Variants in LCP2 observed in about 807,000 individuals in gnomAD.
LCP2 encodes the protein lymphocyte cytosolic protein 2.
LCP2 carries 29 observed loss-of-function variants against 74.5 expected under a neutral mutation model. That is an observed-to-expected ratio of 0.39 (90% CI 0.29 to 0.53). LCP2 has a LOEUF of 0.53. Among genes scored for constraint, LCP2 ranks in the 20% least tolerant of loss-of-function variants. The pLI is 0.72. For synonymous variants in LCP2, 228 were observed against 229.5 expected (o/e 0.99, Z 0.06); for missense variants, 604 against 634.6 (o/e 0.95, Z 0.52).
intron 3 of LCP2, 116 bp downstream of exon 3, chr5:170,287,854 A>T: frequency 1.1e-6 from 1 of 933,840 alleles, no homozygotes; most frequent in Non-Finnish European, 1.7e-6. Context: ...CATCCTTCCT[A>T]CTTGCTTTCT....
At chr5:170,264,703 G>T (rs181091373) in intron 10 of LCP2, among the ~76,000 whole-genome samples, 15 of 152,236 alleles carry the variant, frequency 9.9e-5, no homozygotes, top group Admixed American at 5.2e-4. Flanking sequence ...GGAGGCTGGA[G>T]AAGAAGGATT....
intron 16 of LCP2, among the ~76,000 whole-genome samples, chr5:170,257,366 T>C (rs1761572337): frequency 6.6e-6 from 1 of 152,046 alleles, no homozygotes; most frequent in Admixed American, 6.5e-5. Flanking sequence ...TGCTAGGAGT[T>C]GGTGGGGGTA....
chr5:170,288,375 T>A (rs1375687821), intron 2 of LCP2, among the ~76,000 whole-genome samples: 1 of 152,172 alleles, frequency 6.6e-6, no homozygotes, highest in African/African-American at 2.4e-5. Context: ...TGTTAGGACC[T>A]CTTCCCTACA....
chr5:170,284,456 C>CT (rs35804432), intron 3 of LCP2, among the ~76,000 whole-genome samples: 124 of 145,738 alleles, frequency 8.5e-4, no homozygotes, highest in East Asian at 5.8e-3. Context: ...TGTAATATGT[C>CT]TTTTTTTTTT....
At chr5:170,276,060 T>A (rs1318046024) in intron 3 of LCP2, among the ~76,000 whole-genome samples, 200 bp from the exon 4 acceptor site, 5 of 152,152 alleles carry the variant, frequency 3.3e-5, no homozygotes, top group Admixed American at 2.6e-4. Context: ...GGGCCAGACC[T>A]TCCTCCTGCC....
chr5:170,251,420 CTTTTT>C (rs889183918), intron 19 of LCP2: 1 of 212,898 alleles, frequency 4.7e-6, no homozygotes, highest in African/African-American at 2.3e-5. Flanking sequence ...CTTTTCTTTT[CTTTTT>C]TCTGATATTT....
At chr5:170,257,742 A>G (rs1346934527) in intron 16 of LCP2, among the ~76,000 whole-genome samples, 1 of 152,094 alleles carries the variant, frequency 6.6e-6, no homozygotes, top group Admixed American at 6.5e-5. Context: ...TGTTTGTTTG[A>G]ACTCATAAAG....
rs1056036409 is a variant in LCP2, at chr5:170,266,833, C to T, written c.747G>A (p.Pro249=). The T allele has an allele frequency of 5.0e-6, 8 of 1,613,858 alleles. No homozygotes were observed. Among genetic ancestry groups the T allele is most frequent in the Non-Finnish European group, 6.8e-6 (8 of 1,179,786 alleles). The part of the protein sequence containing the change: ...TKPPLDRSLA[P]FDREPFTLGK... Reference sequence around the variant, plus strand: ...CTAGTGTGAAGGGTTCTCTATCAAACGGAGCTAATGAACGATCTAGGGGAG... The same window carrying T: ...CTAGTGTGAAGGGTTCTCTATCAAATGGAGCTAATGAACGATCTAGGGGAG... The change falls in exon 10 of 21, where the codon CCG becomes CCA. Residue 249 remains proline, a synonymous_variant. Coordinates refer to ENST00000046794, the MANE Select transcript of LCP2 (RefSeq NM_005565.5).
Position 170,262,643 on chromosome 5 carries a change from A to G in LCP2, c.918T>C (p.Pro306=). 1 of 1,611,782 alleles carries G rather than the reference A, an allele frequency of 6.2e-7. No homozygotes were observed. The highest frequency in any genetic ancestry group is 8.5e-7 in the Non-Finnish European group (1 of 1,178,214). Residue 306 remains proline, a synonymous_variant, in exon 13 of 21, where the codon CCT becomes CCC. Transcript: ENST00000046794. The part of the protein sequence containing the change: ...RSSPLPGKKP[P]VPKHGWGPDR... ...CAACACCAGACAATTACTTTGGCAC[A>G]GGTGGCTTCTTCCCTGGCAGGGGGC...
At chr5:170,264,904 A>G (rs1006087817) in intron 10 of LCP2, among the ~76,000 whole-genome samples, 1 of 151,534 alleles carries the variant, frequency 6.6e-6, no homozygotes, top group Admixed American at 6.6e-5. Context: ...TTGGGGTGGA[A>G]CCTCTACTTT....
chr5:170,270,655 A>G, intron 7 of LCP2, 64 bp downstream of exon 7: 2 of 1,421,422 alleles, frequency 1.4e-6, no homozygotes, highest in Non-Finnish European at 1.9e-6. Flanking sequence ...TCAGCCTTCC[A>G]TGCAGCAGTG....
At chr5:170,269,248 G>C (rs1257599528) in intron 7 of LCP2, among the ~76,000 whole-genome samples, 2 of 152,240 alleles carry the variant, frequency 1.3e-5, no homozygotes, top group African/African-American at 4.8e-5. Flanking sequence ...CCCTAGGCCA[G>C]GTTGACAGGC....
intron 6 of LCP2, among the ~76,000 whole-genome samples, chr5:170,272,810 C>A (rs1201687239): frequency 1.3e-5 from 2 of 151,446 alleles, no homozygotes; most frequent in African/African-American, 4.9e-5. Context: ...GATGGGGTTT[C>A]ACCATGTTGA....
Position 170,248,832 on chromosome 5 carries a change from A to G in LCP2, c.1480-13T>C. The G allele has an allele frequency of 6.2e-7, 1 of 1,611,412 alleles. No individual in the cohort carries two copies. Reference sequence around the variant, plus strand: ...CAGACAGAAAGTCCTGAAAGAGTCAAGATAGGGAGATGAGTCAACATTGGA... The same window carrying G: ...CAGACAGAAAGTCCTGAAAGAGTCAGGATAGGGAGATGAGTCAACATTGGA... On this transcript the variant is annotated splice_polypyrimidine_tract_variant and intron_variant, in intron 20 of 20. Transcript: ENST00000046794.
At chr5:170,261,069 C>T (rs41308301) in intron 14 of LCP2, 38 bp downstream of exon 14, 50 of 1,519,122 alleles carry the variant, frequency 3.3e-5, no homozygotes, top group Non-Finnish European at 4.3e-5. Flanking sequence ...CTTCTTTTCC[C>T]TGTATCAAGC....
In LCP2 at chr5:170,262,645, G is replaced by C. The variant is rs764987890; in HGVS notation, c.916C>G (p.Pro306Ala). The C allele has an allele frequency of 6.2e-7, 1 of 1,612,372 alleles. No homozygotes were observed. Among genetic ancestry groups the C allele is most frequent in the South Asian group, 1.1e-5 (1 of 90,916 alleles). ...ACACCAGACAATTACTTTGGCACAG[G>C]TGGCTTCTTCCCTGGCAGGGGGCTG... Reference protein sequence around the residue: ...RSSPLPGKKPPVPKHGWGPDR... With the variant: ...RSSPLPGKKPAVPKHGWGPDR... Residue 306 changes from proline to alanine, a missense_variant, in exon 13 of 21, where the codon CCT (proline) becomes GCT (alanine). Coordinates refer to ENST00000046794, the MANE Select transcript of LCP2 (RefSeq NM_005565.5).
At chr5:170,270,093 G>T (rs1761870216) in intron 7 of LCP2, among the ~76,000 whole-genome samples, 1 of 152,224 alleles carries the variant, frequency 6.6e-6, no homozygotes, top group African/African-American at 2.4e-5. Context: ...CTACTAGAAT[G>T]TAAGCCCCAG....
rs528572485 is a variant in LCP2, at chr5:170,247,347, T to C, written c.*1350A>G. The C allele has an allele frequency of 6.6e-6, 1 of 152,376 alleles. No individual in the cohort carries two copies. The highest frequency in any genetic ancestry group is 2.1e-4 in the South Asian group (1 of 4,832). The allele number at this position is 152,376 out of a possible 1,614,324, so 9.4% of individuals were successfully genotyped here. On this transcript the variant is annotated 3_prime_UTR_variant, in exon 21 of 21. Coordinates refer to ENST00000046794, the MANE Select transcript of LCP2 (RefSeq NM_005565.5). The stretch of plus-strand genomic sequence containing the variant: ...CAGTTAAAAGTCTCTACCTTCTGCA[T>C]ACTCCTTATTTTAACATATCATCAG...
At chr5:170,268,309 GT>G (rs1761806667) in intron 8 of LCP2, 75 bp downstream of exon 8, 2 of 231,022 alleles carry the variant, frequency 8.7e-6, no homozygotes, top group South Asian at 1.5e-4. Flanking sequence ...GATGTTTATA[GT>G]TTTATTTTTC....
Sources: allele counts gnomAD v4.1 joint callset (sites outside exome capture counted in the v4.1 genomes callset), GRCh38; gene constraint gnomAD v4.1.1; transcripts MANE v1.5; gene names NCBI Gene and HGNC (gene_info 2026-07-23, HGNC 2026-07-21).